Variants in RNF157 observed in about 807,000 individuals in gnomAD.
RNF157 encodes ring finger protein 157.
In RNF157, 55 loss-of-function variants were observed where a neutral mutation model predicts 88.3. The ratio of observed to expected loss-of-function variants is 0.62; its 90% CI spans 0.50 to 0.78. The LOEUF (loss-of-function observed/expected upper bound fraction) is 0.78. Ranked by LOEUF, RNF157 falls within the 30% of genes least tolerant of loss-of-function variation. The pLI, the probability that RNF157 is intolerant of heterozygous loss-of-function variation, is 0.00. For missense variants in RNF157, 788 were observed against 860.8 expected (o/e 0.92, Z 1.06); for synonymous variants, 334 against 341.2 (o/e 0.98, Z 0.23).
chr17:76,165,622 G>A (rs969386342), intron 6 of RNF157, 77 bp from the exon 7 acceptor site: 4 of 1,491,658 alleles, frequency 2.7e-6, no homozygotes, highest in Non-Finnish European at 2.8e-6. Flanking sequence ...CCAGTTCCCT[G>A]CAATCTGGCA....
At chr17:76,185,076 C>A (rs2069257592) in intron 2 of RNF157, among the ~76,000 whole-genome samples, 1 of 152,188 alleles carries the variant, frequency 6.6e-6, no homozygotes, top group South Asian at 2.1e-4. Flanking sequence ...CATCACAGAT[C>A]CATTCTATAT....
At chr17:76,205,125 TTTC>T (rs1464210324) in intron 2 of RNF157, among the ~76,000 whole-genome samples, 1 of 151,184 alleles carries the variant, frequency 6.6e-6, no homozygotes, top group Non-Finnish European at 1.5e-5. Flanking sequence ...CCCTTCCTCT[TTTC>T]TTTTCTTTTT....
chr17:76,210,588 C>CAAAAAAAAAAAAAAAAAAAAAAA (rs71161274), intron 2 of RNF157, among the ~76,000 whole-genome samples: 4 of 53,514 alleles, frequency 7.5e-5, no homozygotes, highest in African/African-American at 1.6e-4. Flanking sequence ...AGACTCCGTC[C>CAAAAAAAAAAAAAAAAAAAAAAA]AAAAAAAAAA....
chr17:76,145,446 G>A lies in RNF157; in HGVS notation c.1922-93C>T, dbSNP rs1424743389. 79 of 847,558 alleles carry A rather than the reference G, an allele frequency of 9.3e-5. 1 individual carries two copies. In the South Asian group the frequency reaches 1.2e-3, roughly 12 times the overall value. The allele number at this position is 847,558 out of a possible 1,614,324, so 52.5% of individuals were successfully genotyped here. ...GGGCAGCCCAGGAGCCGGCACGGAA[G>A]GAGCAGGATGCGTGTCACCTGAGAC... On this transcript the variant is annotated intron_variant, in intron 18 of 18. Transcript: ENST00000269391.
chr17:76,226,024 G>C (rs537800287), intron 1 of RNF157: 19 of 1,611,046 alleles, frequency 1.2e-5, no homozygotes, highest in Non-Finnish European at 1.6e-5. Flanking sequence ...CAGGAGGATC[G>C]TAAGGTTTGG....
intron 1 of RNF157, among the ~76,000 whole-genome samples, chr17:76,219,348 G>A (rs1054806433): frequency 4.6e-5 from 7 of 151,314 alleles, no homozygotes; most frequent in African/African-American, 1.7e-4. Context: ...ACATAAAATG[G>A]CCAGCCTTAA....
chr17:76,169,006 ACT>A (rs1421588557), intron 3 of RNF157, among the ~76,000 whole-genome samples: 1 of 152,196 alleles, frequency 6.6e-6, no homozygotes, highest in Admixed American at 6.5e-5. Flanking sequence ...TTTCTCAGCC[ACT>A]GTGTGGGCAC....
intron 18 of RNF157, chr17:76,147,274 C>G (rs2068599273): frequency 3.0e-6 from 3 of 984,884 alleles, no homozygotes; most frequent in Non-Finnish European, 3.6e-6. Flanking sequence ...CATACCTATT[C>G]CTCAATGTTT....
intron 2 of RNF157, among the ~76,000 whole-genome samples, chr17:76,199,224 G>C (rs1034522760): frequency 6.6e-6 from 1 of 152,162 alleles, no homozygotes; most frequent in Non-Finnish European, 1.5e-5. Context: ...ATTAAAACAT[G>C]AACAAAGAAG....
In RNF157 at chr17:76,146,414, C is replaced by T; in HGVS notation, c.1922-1061G>A. The T allele has an allele frequency of 2.0e-6, 2 of 985,642 alleles. No individual in the cohort carries two copies. The highest frequency in any genetic ancestry group is 4.7e-5 in the South Asian group (1 of 21,288). 61.1% of individuals were successfully genotyped at this position (985,642 alleles called of 1,614,324 possible). On this transcript the variant is annotated intron_variant, in intron 18 of 18. Coordinates refer to ENST00000269391, the MANE Select transcript of RNF157 (RefSeq NM_052916.3). The surrounding 1 kb of genome is among the most constrained non-coding windows in gnomAD (Gnocchi z 4.2). Reference sequence around the variant, plus strand: ...TCGCCTCTCCCCTGGGAGTCCTCTTCATCTCCTGCCCACAGATGAGCTCCT... The same window carrying T: ...TCGCCTCTCCCCTGGGAGTCCTCTTTATCTCCTGCCCACAGATGAGCTCCT...
chr17:76,164,882 G>A (rs1428231782), intron 7 of RNF157, 87 bp from the exon 8 acceptor site: 11 of 912,686 alleles, frequency 1.2e-5, no homozygotes, highest in South Asian at 3.1e-5. Context: ...AGTTACAGTC[G>A]CCCTCCCTGA....
intron 18 of RNF157, among the ~76,000 whole-genome samples, chr17:76,151,402 C>T (rs778224887): frequency 2.5e-4 from 38 of 152,292 alleles, no homozygotes; most frequent in Non-Finnish European, 4.6e-4. Flanking sequence ...CCACAGAGGT[C>T]GTGTGGCTCC....
At chr17:76,212,289 G>T in intron 2 of RNF157, 75 bp downstream of exon 2, 1 of 1,067,304 alleles carries the variant, frequency 9.4e-7, no homozygotes, top group South Asian at 1.3e-5. Flanking sequence ...ACAAGCAACT[G>T]CAAACTTATT....
chr17:76,190,840 G>A (rs1352634323), intron 2 of RNF157, among the ~76,000 whole-genome samples: 4 of 149,878 alleles, frequency 2.7e-5, no homozygotes, highest in East Asian at 2.0e-4. Context: ...CCCGGGAGGC[G>A]GAGCTTGCAG....
chr17:76,204,050 A>G (rs1289558713), intron 2 of RNF157, among the ~76,000 whole-genome samples: 6 of 152,144 alleles, frequency 3.9e-5, no homozygotes, highest in Non-Finnish European at 8.8e-5. Flanking sequence ...TACAGGCGTG[A>G]GCCACCGCGC....
At chr17:76,164,937 ACTGT>A in intron 7 of RNF157, 142 bp from the exon 8 acceptor site, 1 of 591,518 alleles carries the variant, frequency 1.7e-6, no homozygotes, top group East Asian at 2.9e-5. Flanking sequence ...GCCATCAACC[ACTGT>A]CTGAAAATAT....
At chr17:76,150,139 AT>A (rs34706600) in intron 18 of RNF157, among the ~76,000 whole-genome samples, 13,148 of 151,872 alleles carry the variant, frequency 0.087, 713 homozygotes, top group Middle Eastern at 0.12. Flanking sequence ...TCTCACACAT[AT>A]TTTTTTTCTT....
intron 2 of RNF157, among the ~76,000 whole-genome samples, chr17:76,179,443 G>A (rs1178635460): frequency 6.6e-6 from 1 of 152,096 alleles, no homozygotes; most frequent in African/African-American, 2.4e-5. Context: ...TCTAATCCCA[G>A]CACTTTGGGA....
At chr17:76,180,851 C>T (rs1198684543) in intron 2 of RNF157, among the ~76,000 whole-genome samples, 1 of 152,204 alleles carries the variant, frequency 6.6e-6, no homozygotes, top group Non-Finnish European at 1.5e-5. Flanking sequence ...TCACCGCCAT[C>T]CAGCTCTAGT....
Sources: gnomAD v4.1 joint callset for allele counts (sites outside exome capture counted in the v4.1 genomes callset) on GRCh38, gnomAD v4.1.1 for gene constraint, Gnocchi (gnomAD v3.1) non-coding constraint, MANE v1.5 for transcripts, NCBI Gene and HGNC (gene_info 2026-07-23, HGNC 2026-07-21) for gene names.